The following GORASP1 variants were observed in gnomAD, a reference collection of about 807,000 sequenced individuals.
GORASP1 encodes golgi reassembly stacking protein 1.
GORASP1 carries 31 observed loss-of-function variants against 37.7 expected under a neutral mutation model. The ratio of observed to expected loss-of-function variants is 0.82; its 90% CI spans 0.62 to 1.11. GORASP1 has a LOEUF of 1.11. GORASP1 is among the 50% of genes least tolerant of loss of function. The probability of loss-of-function intolerance (pLI) is 0.00; values close to 1 mark genes in which losing one functional copy is unlikely to be tolerated. For synonymous variants in GORASP1, 204 were observed against 224.8 expected (o/e 0.91, Z 0.83); for missense variants, 476 against 560.7 (o/e 0.85, Z 1.53).
At chr3:39,106,681 G>C (rs1021938386) in intron 1 of GORASP1, among the ~76,000 whole-genome samples, 1 of 151,858 alleles carries the variant, frequency 6.6e-6, no homozygotes, top group African/African-American at 2.4e-5. Context: ...AGCGCTCCGG[G>C]GTCAGAGACC....
In GORASP1 at chr3:39,098,132, C is replaced by T; in HGVS notation, c.*104G>A. 2 of 1,400,826 alleles carry T rather than the reference C, an allele frequency of 1.4e-6. No homozygotes were observed. The highest frequency in any genetic ancestry group is 9.7e-7 in the Non-Finnish European group (1 of 1,029,116). 86.8% of individuals were successfully genotyped at this position (1,400,826 alleles called of 1,614,324 possible). On this transcript the variant is annotated 3_prime_UTR_variant, in exon 9 of 9. Transcript: ENST00000319283. This position sits in a 1 kb window ranked among gnomAD's most constrained non-coding sequence, Gnocchi z 4.7. ...CACCACCCACTGAGGCCTCATGTCC[C>T]ACCAAAGCAGCAAGGAATCCTGACC... is the stretch of plus-strand genomic sequence containing the variant.
Position 39,100,617 on chromosome 3 carries a change from C to T in GORASP1, c.567-114G>A, listed in dbSNP as rs1575455858. Reference sequence around the variant, plus strand: ...GGCTGAAAAGGGTACTTCTGAAATACCGGTCAGCCTCAGGATCCCTGGGCC... The same window carrying T: ...GGCTGAAAAGGGTACTTCTGAAATATCGGTCAGCCTCAGGATCCCTGGGCC... On this transcript the variant is annotated intron_variant, in intron 5 of 8. Coordinates refer to ENST00000319283, the MANE Select transcript of GORASP1 (RefSeq NM_031899.4). This position sits in a 1 kb window ranked among gnomAD's most constrained non-coding sequence, Gnocchi z 4.6. The T allele has an allele frequency of 6.8e-7, 1 of 1,478,452 alleles. No homozygotes were observed. Among genetic ancestry groups the T allele is most frequent in the East Asian group, 2.3e-5 (1 of 44,042 alleles). 91.6% of individuals were successfully genotyped at this position (1,478,452 alleles called of 1,614,324 possible). A position where few individuals can be genotyped will look rare whatever the true frequency, so the allele number is the denominator to read the frequency against.
Position 39,102,117 on chromosome 3 carries a change from A to G in GORASP1, c.348+561T>C, listed in dbSNP as rs2035758596. 6.6e-6 allele frequency among the ~76,000 whole-genome samples: 1 copy of G among 152,188 alleles called. No homozygotes were observed. Among genetic ancestry groups the G allele is most frequent in the Non-Finnish European group, 1.5e-5 (1 of 68,038 alleles). On this transcript the variant is annotated intron_variant, in intron 3 of 8. Transcript: ENST00000319283. This position sits in a 1 kb window ranked among gnomAD's most constrained non-coding sequence, Gnocchi z 5.0. ...TACACATAGCCTACTAGACACCTGG[A>G]GTATATGCTATGGCCTGTTGCTCCT...
At position 39,103,608 on chromosome 3, in the gene GORASP1, G is replaced by T; in HGVS notation, c.64-55C>A. The T allele has an allele frequency of 7.2e-7, 1 of 1,382,318 alleles. No individual in the cohort carries two copies. Among genetic ancestry groups the T allele is most frequent in the Non-Finnish European group, 1.0e-6 (1 of 993,304 alleles). The allele number at this position is 1,382,318 out of a possible 1,614,324, so 85.6% of individuals were successfully genotyped here. A position where few individuals can be genotyped will look rare whatever the true frequency, so the allele number is the denominator to read the frequency against. ...CGCCAACCCTGGGACTCTCCAAGTA[G>T]CCCTCTCCCCCATTTCAGGAACCAT... On this transcript the variant is annotated intron_variant, in intron 1 of 8. Transcript: ENST00000319283. The surrounding 1 kb of genome is among the most constrained non-coding windows in gnomAD (Gnocchi z 5.2).
chr3:39,100,460 T>C lies in GORASP1; in HGVS notation c.610A>G (p.Thr204Ala), dbSNP rs765729765. ...IGYGYLHRIP[T>A]QPPSYHKKPP... ...TTCTTGTGGTAGCTGGGGGGCTGAG[T>C]TGGGATCCGGTGTAGATACCCATAG... Residue 204 changes from threonine (T) to alanine (A), a missense_variant, in exon 6 of 9, where the codon ACT becomes GCT. By Grantham distance (58) the Thr-to-Ala change is moderately conservative. Coordinates refer to ENST00000319283, the MANE Select transcript of GORASP1 (RefSeq NM_031899.4). The surrounding 1 kb of genome is among the most constrained non-coding windows in gnomAD (Gnocchi z 4.6). 1.6e-5 allele frequency: 25 copies of C among 1,603,954 alleles called. No homozygotes were observed. The highest frequency in any genetic ancestry group is 1.0e-4 in the Admixed American group (6 of 59,316).
At chr3:39,101,231 A>G (rs1305798098) in intron 3 of GORASP1, 129 bp from the exon 4 acceptor site, 2 of 778,104 alleles carry the variant, frequency 2.6e-6, no homozygotes, top group African/African-American at 3.4e-5. Flanking sequence ...GCAGGGCTTC[A>G]AGCCCATACT....
Position 39,099,430 on chromosome 3 carries a change from G to A in GORASP1, c.839C>T (p.Pro280Leu), listed in dbSNP as rs369571773. The part of the protein sequence containing the change: ...PGPGSPSHSA[P>L]DPDGLPHFME... ...GAAATGGGGAAGTCCATCAGGGTCT[G>A]GAGCACTGTGGCTGGGACTCCCAGG... Residue 280 changes from proline (P) to leucine (L), a missense_variant, in exon 7 of 9, where the codon CCA becomes CTA. By Grantham distance (98) the Pro-to-Leu change is moderately conservative. Coordinates refer to ENST00000319283, the MANE Select transcript of GORASP1 (RefSeq NM_031899.4). The A allele has an allele frequency of 1.7e-5, 27 of 1,612,358 alleles. No individual in the cohort carries two copies. Among genetic ancestry groups the A allele is most frequent in the Middle Eastern group, 1.6e-4 (1 of 6,066 alleles).
rs202114386 is a variant in GORASP1 at position 39,098,171 on chromosome 3, C to T, written c.*65G>A. ...GGAATCCTGACCGCATAGTGCAGCC[C>T]GGGCTGCCTGCCCACATCTGGGCCT... On this transcript the variant is annotated 3_prime_UTR_variant, in exon 9 of 9. Coordinates refer to ENST00000319283, the MANE Select transcript of GORASP1 (RefSeq NM_031899.4). The surrounding 1 kb of genome is among the most constrained non-coding windows in gnomAD (Gnocchi z 4.7). The T allele has an allele frequency of 4.6e-4, 718 of 1,564,880 alleles. 6 individuals are homozygous for T. In the African/African-American group the frequency reaches 7.2e-3, roughly 16 times the overall value.
At position 39,105,547 on chromosome 3, in the gene GORASP1, C is replaced by T. The variant is rs942875167; in HGVS notation, c.63+1932G>A. The stretch of plus-strand genomic sequence containing the variant: ...GGAAATCCAACCCAGAGCCCTCCCC[C>T]TAACCACTGCCCTCTCCTAACAGCT... On this transcript the variant is annotated intron_variant, in intron 1 of 8. Transcript: ENST00000319283. This position sits in a 1 kb window ranked among gnomAD's most constrained non-coding sequence, Gnocchi z 5.4. Among the ~76,000 whole-genome samples the T allele has an allele frequency of 2.6e-5, 4 of 152,186 alleles. No homozygotes were observed. The highest frequency in any genetic ancestry group is 9.7e-5 in the African/African-American group (4 of 41,434).
rs888894502 is a variant in GORASP1, at chr3:39,097,592, G to C, written c.*644C>G. ...ATATTTAGAAGAGATCACTGTTTAA[G>C]TTTGGGAGCTAACAGGAGTTGCCAC... On this transcript the variant is annotated 3_prime_UTR_variant, in exon 9 of 9. Transcript: ENST00000319283. The C allele has an allele frequency of 6.6e-6, 1 of 152,328 alleles. No homozygotes were observed. Among genetic ancestry groups the C allele is most frequent in the African/African-American group, 2.4e-5 (1 of 41,446 alleles). 9.4% of individuals were successfully genotyped at this position (152,328 alleles called of 1,614,324 possible). A position where few individuals can be genotyped will look rare whatever the true frequency, so the allele number is the denominator to read the frequency against.
chr3:39,101,545 T>C lies in GORASP1; in HGVS notation c.349-443A>G, dbSNP rs1445521830. The C allele has an allele frequency of 8.7e-6, 4 of 457,688 alleles. No individual in the cohort carries two copies. In the Admixed American group the frequency reaches 9.4e-5, roughly 11 times the overall value. 28.4% of individuals were successfully genotyped at this position (457,688 alleles called of 1,614,324 possible). On this transcript the variant is annotated intron_variant, in intron 3 of 8. Coordinates refer to ENST00000319283, the MANE Select transcript of GORASP1 (RefSeq NM_031899.4). Reference sequence around the variant, plus strand: ...GGAGCACCCACTACATTGCTGCTTCTGCTGCAGGCATGTGGCTAAAGACTC... The same window carrying C: ...GGAGCACCCACTACATTGCTGCTTCCGCTGCAGGCATGTGGCTAAAGACTC...
rs574705314 is a variant in GORASP1 at position 39,102,786 on chromosome 3, G to A, written c.240C>T (p.Arg80=). The A allele has an allele frequency of 6.8e-6, 11 of 1,614,108 alleles. No homozygotes were observed. Among genetic ancestry groups the A allele is most frequent in the South Asian group, 4.4e-5 (4 of 91,088 alleles). ...TGTTGCTGGGCACCACCTCCACCTC[G>A]CGCACCCTCATGGTCTTCATATTGA... ...EVFNMKTMRV[R]EVEVVPSNMW... is the part of the protein sequence containing the mutation. Residue 80 remains arginine (R), a synonymous_variant, in exon 3 of 9, where the codon CGC becomes CGT. Transcript: ENST00000319283. The surrounding 1 kb of genome is among the most constrained non-coding windows in gnomAD (Gnocchi z 5.0).
rs1338536099 is a variant in GORASP1, at chr3:39,103,243, C to T, written c.144+230G>A. ...GAGGCAGGCCCCTTGGGCCTTGTTG[C>T]CACCTCCAAGAGGCCATATGTCCTC... On this transcript the variant is annotated intron_variant, in intron 2 of 8. Transcript: ENST00000319283. The surrounding 1 kb of genome is among the most constrained non-coding windows in gnomAD (Gnocchi z 5.2). 4 of 588,128 alleles carry T rather than the reference C, an allele frequency of 6.8e-6. No homozygotes were observed. In the African/African-American group the frequency reaches 7.5e-5, roughly 11 times the overall value. The allele number at this position is 588,128 out of a possible 1,614,324, so 36.4% of individuals were successfully genotyped here.
rs879448614 is a variant in GORASP1 at position 39,097,957 on chromosome 3, A to C, written c.*279T>G. ...GCGACCAGGCCAACACTGGACAGCA[A>C]CCCCTTCCTTCCTCACCTCATCTTC... On this transcript the variant is annotated 3_prime_UTR_variant, in exon 9 of 9. Coordinates refer to ENST00000319283, the MANE Select transcript of GORASP1 (RefSeq NM_031899.4). The C allele has an allele frequency of 5.8e-5, 26 of 446,334 alleles. No individual in the cohort carries two copies. The highest frequency in any genetic ancestry group is 6.5e-5 in the Non-Finnish European group (16 of 244,822). 27.6% of individuals were successfully genotyped at this position (446,334 alleles called of 1,614,324 possible).
Position 39,100,384 on chromosome 3 carries a change from G to C in GORASP1, c.686C>G (p.Pro229Arg). 1 of 1,614,100 alleles carries C rather than the reference G, an allele frequency of 6.2e-7. No homozygotes were observed. Among genetic ancestry groups the C allele is most frequent in the Non-Finnish European group, 8.5e-7 (1 of 1,179,984 alleles). Residue 229 changes from proline to arginine, a missense_variant, in exon 6 of 9, where the codon CCT becomes CGT. Transcript: ENST00000319283. The surrounding 1 kb of genome is among the most constrained non-coding windows in gnomAD (Gnocchi z 4.6). ...PSALPLGAPP[P>R]DALPPGPTPE... ...GGTGGGTCCAGGTGGTAGAGCATCA[G>C]GTGGTGGGGCACCAAGTGGTAGAGC...
rs1251961808 is a variant in GORASP1, at chr3:39,103,635, A to C, written c.64-82T>G. On this transcript the variant is annotated intron_variant, in intron 1 of 8. Transcript: ENST00000319283. This position sits in a 1 kb window ranked among gnomAD's most constrained non-coding sequence, Gnocchi z 5.2. ...CCTCTCCCCCATTTCAGGAACCATC[A>C]GCACTCCCAGTGTGCCAGCCAGAAC... The C allele has an allele frequency of 1.9e-6, 2 of 1,032,946 alleles. No homozygotes were observed. Among genetic ancestry groups the C allele is most frequent in the Non-Finnish European group, 2.9e-6 (2 of 693,430 alleles). 64.0% of individuals were successfully genotyped at this position (1,032,946 alleles called of 1,614,324 possible). A position where few individuals can be genotyped will look rare whatever the true frequency, so the allele number is the denominator to read the frequency against.
intron 3 of GORASP1, 147 bp from the exon 4 acceptor site, chr3:39,101,249 T>G (rs2035690333): frequency 7.1e-6 from 5 of 702,022 alleles, no homozygotes; most frequent in Non-Finnish European, 1.0e-5. Flanking sequence ...ACTCCCTCAT[T>G]TCACCCCTCC....
At position 39,097,339 on chromosome 3, in the gene GORASP1, C is replaced by G. The variant is rs994160086; in HGVS notation, c.*897G>C. 1 of 152,268 alleles carries G rather than the reference C, an allele frequency of 6.6e-6. No individual in the cohort carries two copies. Among genetic ancestry groups the G allele is most frequent in the African/African-American group, 2.4e-5 (1 of 41,454 alleles). The allele number at this position is 152,268 out of a possible 1,614,324, so 9.4% of individuals were successfully genotyped here. A position where few individuals can be genotyped will look rare whatever the true frequency, so the allele number is the denominator to read the frequency against. On this transcript the variant is annotated 3_prime_UTR_variant, in exon 9 of 9. Transcript: ENST00000319283. ...GGTGGAGTGCAGGGCCTAACCTAGCCTTAACCTCCAAAGGCACCTGGGGTG... is the reference window on the plus strand; with the variant it reads ...GGTGGAGTGCAGGGCCTAACCTAGCGTTAACCTCCAAAGGCACCTGGGGTG...
chr3:39,099,813 A>T (rs1243767841), intron 6 of GORASP1, among the ~76,000 whole-genome samples: 2 of 152,090 alleles, frequency 1.3e-5, no homozygotes, highest in Non-Finnish European at 2.9e-5. Context: ...ATTAGAAGAG[A>T]GGGGCTTCCT....
Sources: allele counts gnomAD v4.1 joint callset (sites outside exome capture counted in the v4.1 genomes callset), GRCh38; gene constraint gnomAD v4.1.1; non-coding constraint Gnocchi (gnomAD v3.1); transcripts MANE v1.5; gene names NCBI Gene and HGNC (gene_info 2026-07-23, HGNC 2026-07-21).